The following AMBRA1 variants were observed in gnomAD, a reference collection of about 807,000 sequenced individuals.
The protein encoded by AMBRA1 is autophagy and beclin 1 regulator 1, also known as activating molecule in BECN1-regulated autophagy protein 1.
In AMBRA1, 47 loss-of-function variants were observed where a neutral mutation model predicts 125.4. That is an observed-to-expected ratio of 0.37 (90% CI 0.30 to 0.48). The LOEUF (loss-of-function observed/expected upper bound fraction) is 0.48, where lower values mean the gene tolerates loss of function less well. Among genes scored for constraint, AMBRA1 ranks in the 20% least tolerant of loss-of-function variants. The pLI is 0.99. For missense variants in AMBRA1, 1,331 were observed against 1,693.4 expected (o/e 0.79, Z 3.76); for synonymous variants, 626 against 655.5 (o/e 0.95, Z 0.69).
At chr11:46,559,789 C>G (rs922243258) in intron 1 of AMBRA1, among the ~76,000 whole-genome samples, 2 of 152,114 alleles carry the variant, frequency 1.3e-5, no homozygotes, top group African/African-American at 2.4e-5. Flanking sequence ...GTTATATAAT[C>G]TTGGACAAAT....
intron 1 of AMBRA1, among the ~76,000 whole-genome samples, chr11:46,573,517 C>A (rs1050685588): frequency 6.6e-6 from 1 of 152,026 alleles, no homozygotes; most frequent in African/African-American, 2.4e-5. Flanking sequence ...CAAGTCACTT[C>A]AAACTTTGAC....
At chr11:46,526,454 G>A (rs1951978163) in intron 7 of AMBRA1, among the ~76,000 whole-genome samples, 3 of 148,284 alleles carry the variant, frequency 2.0e-5, no homozygotes, top group Non-Finnish European at 3.0e-5. Context: ...CTTCCTTTTA[G>A]AACTGTCACT....
intron 11 of AMBRA1, among the ~76,000 whole-genome samples, chr11:46,468,743 C>G (rs913999361): frequency 1.4e-5 from 2 of 146,052 alleles, no homozygotes; most frequent in African/African-American, 5.1e-5. Flanking sequence ...ACCTGGGAGG[C>G]GGAGCTTGCA....
rs972628519 is a variant in AMBRA1, at chr11:46,593,999, C to A, written c.-292G>T. 2.8e-5 allele frequency: 11 copies of A among 398,554 alleles called. No individual in the cohort carries two copies. Among genetic ancestry groups the A allele is most frequent in the Middle Eastern group, 6.2e-4 (1 of 1,608 alleles). 24.7% of individuals were successfully genotyped at this position (398,554 alleles called of 1,614,324 possible). A position where few individuals can be genotyped will look rare whatever the true frequency, so the allele number is the denominator to read the frequency against. On this transcript the variant is annotated 5_prime_UTR_variant, in exon 1 of 18. Coordinates refer to ENST00000683756, the MANE Select transcript of AMBRA1 (RefSeq NM_001387011.1). ...TCAGCCCTCGACCCGGCGCCGCCGC[C>A]GCTCAGGAGACATCAAGCAAGAAGA...
In AMBRA1 at chr11:46,446,772, C is replaced by G. The variant is rs149364172; in HGVS notation, c.2522-3174G>C. Among the ~76,000 whole-genome samples, 962 of 152,286 alleles carry G rather than the reference C, an allele frequency of 6.3e-3. 10 individuals carry two copies. The highest frequency in any genetic ancestry group is 0.015 in the African/African-American group (637 of 41,566). ...GAAATGCTAAGCTAGATAAACATAT[C>G]CTACATTTTAACTCCAGGGTAGGTG... On this transcript the variant is annotated intron_variant, in intron 11 of 17. Coordinates refer to ENST00000683756, the MANE Select transcript of AMBRA1 (RefSeq NM_001387011.1).
intron 15 of AMBRA1, among the ~76,000 whole-genome samples, chr11:46,415,226 T>TC (rs1946483490): frequency 6.6e-6 from 1 of 152,208 alleles, no homozygotes; most frequent in Non-Finnish European, 1.5e-5. Flanking sequence ...TGGAGACCAC[T>TC]CATCTGTAGA....
chr11:46,484,083 T>A (rs1001377031), intron 11 of AMBRA1, among the ~76,000 whole-genome samples: 7 of 152,198 alleles, frequency 4.6e-5, no homozygotes, highest in Non-Finnish European at 8.8e-5. Context: ...GGTGAGTCCC[T>A]GGGTTTATCA....
At chr11:46,506,518 G>A (rs1266325952) in intron 9 of AMBRA1, among the ~76,000 whole-genome samples, 1 of 152,178 alleles carries the variant, frequency 6.6e-6, no homozygotes, top group Non-Finnish European at 1.5e-5. Flanking sequence ...GTTGCAAGAT[G>A]ACTTGTGAGG....
intron 1 of AMBRA1, among the ~76,000 whole-genome samples, chr11:46,559,626 ACCTT>A (rs2135233544): frequency 1.3e-5 from 2 of 152,272 alleles, no homozygotes; most frequent in East Asian, 3.9e-4. Context: ...TAAATACAAA[ACCTT>A]CATCCTAATT....
At chr11:46,426,124 A>G (rs1447400860) in intron 14 of AMBRA1, among the ~76,000 whole-genome samples, 1 of 151,920 alleles carries the variant, frequency 6.6e-6, no homozygotes, top group Non-Finnish European at 1.5e-5. Context: ...GATGCTCCCT[A>G]TTTTCAGGAT....
intron 11 of AMBRA1, among the ~76,000 whole-genome samples, chr11:46,461,333 A>C (rs536140536): frequency 6.6e-6 from 1 of 152,370 alleles, no homozygotes; most frequent in South Asian, 2.1e-4. Context: ...AATAACTATT[A>C]AATTTTGGTT....
At chr11:46,454,221 G>A (rs189865526) in intron 11 of AMBRA1, among the ~76,000 whole-genome samples, 3 of 151,778 alleles carry the variant, frequency 2.0e-5, no homozygotes, top group Admixed American at 2.0e-4. Flanking sequence ...TAGAGACGGG[G>A]TCTTGCTGTG....
chr11:46,444,217 G>C (rs780553090), intron 11 of AMBRA1, among the ~76,000 whole-genome samples: 6 of 152,102 alleles, frequency 3.9e-5, no homozygotes, highest in Non-Finnish European at 7.4e-5. Context: ...AAATTTATGA[G>C]CCTCACTTTG....
chr11:46,587,005 T>C (rs1377528534), intron 1 of AMBRA1, among the ~76,000 whole-genome samples: 1 of 152,232 alleles, frequency 6.6e-6, no homozygotes, highest in Non-Finnish European at 1.5e-5. Flanking sequence ...TATAGGTATA[T>C]ATACCTGTGA....
At chr11:46,431,724 A>G (rs1366744390) in intron 14 of AMBRA1, among the ~76,000 whole-genome samples, 1 of 152,234 alleles carries the variant, frequency 6.6e-6, no homozygotes, top group Non-Finnish European at 1.5e-5. Context: ...AGGTGGTGAA[A>G]AGCAGAGACC....
intron 1 of AMBRA1, among the ~76,000 whole-genome samples, chr11:46,580,883 C>T (rs750842731): frequency 6.6e-6 from 1 of 152,078 alleles, no homozygotes; most frequent in Non-Finnish European, 1.5e-5. Context: ...TCTCAACCTC[C>T]GCAGATCAGA....
rs1353200698 is a variant in AMBRA1 at position 46,477,009 on chromosome 11, G to C, written c.2521+16599C>G. On this transcript the variant is annotated intron_variant, in intron 11 of 17. Coordinates refer to ENST00000683756, the MANE Select transcript of AMBRA1 (RefSeq NM_001387011.1). Reference sequence around the variant, plus strand: ...CTGTAACCCCCCAGCTACTAGGTAGGCTGAGGCATGAGAATCACTTGAACC... The same window carrying C: ...CTGTAACCCCCCAGCTACTAGGTAGCCTGAGGCATGAGAATCACTTGAACC... 4.6e-5 allele frequency among the ~76,000 whole-genome samples: 7 copies of C among 151,828 alleles called. No individual in the cohort carries two copies. The East Asian group carries it at 9.7e-4, about 21-fold the overall frequency.
At chr11:46,522,594 T>A (rs1156454892) in intron 7 of AMBRA1, among the ~76,000 whole-genome samples, 1 of 152,180 alleles carries the variant, frequency 6.6e-6, no homozygotes, top group Non-Finnish European at 1.5e-5. Context: ...GTGGGATATA[T>A]AGGGTTTAGA....
chr11:46,559,523 CACAGAATATTAAGAACAAAGT>C (rs1461415232), intron 1 of AMBRA1, among the ~76,000 whole-genome samples: 1 of 152,080 alleles, frequency 6.6e-6, no homozygotes, highest in African/African-American at 2.4e-5. Context: ...CTATTTGAAA[CACAGAATATTAAGAACAAAGT>C]ACAGAGACAG....
Sources: gnomAD v4.1 joint callset for allele counts (sites outside exome capture counted in the v4.1 genomes callset) on GRCh38, gnomAD v4.1.1 for gene constraint, MANE v1.5 for transcripts, NCBI Gene and HGNC (gene_info 2026-07-23, HGNC 2026-07-21) for gene names.